The following RUNX2 variants were observed in gnomAD, a reference collection of about 807,000 sequenced individuals.
RUNX2 encodes the protein RUNX family transcription factor 2, also known as runt-related transcription factor 2.
Under a neutral mutation model 51.7 loss-of-function variants are expected in RUNX2, and 10 were observed. That is an observed-to-expected ratio of 0.19 (90% CI 0.12 to 0.33). The LOEUF is 0.33. RUNX2 is among the 10% of genes least tolerant of loss of function. RUNX2 has a pLI of 1.00. For synonymous variants in RUNX2, 276 were observed against 273.6 expected (o/e 1.01, Z -0.09); for missense variants, 562 against 691.3 (o/e 0.81, Z 2.10).
At chr6:45,494,081 C>T (rs1800567809) in intron 6 of RUNX2, among the ~76,000 whole-genome samples, 1 of 151,932 alleles carries the variant, frequency 6.6e-6, no homozygotes, top group African/African-American at 2.4e-5. Context: ...CTAAAGGTAC[C>T]TTAGATATTG....
intron 5 of RUNX2, among the ~76,000 whole-genome samples, chr6:45,468,780 T>C (rs1799714095): frequency 6.6e-6 from 1 of 152,192 alleles, no homozygotes; most frequent in South Asian, 2.1e-4. Flanking sequence ...GACTGTCCCA[T>C]TGCAGGACAA....
chr6:45,523,809 G>A lies in RUNX2; in HGVS notation c.1021+11402G>A, dbSNP rs781733537. ...TAGCCAGGCGTGGTGGCACATGTCT[G>A]TAATCCCAGCTACTCAGGAAGTTGA... On this transcript the variant is annotated intron_variant, in intron 7 of 8. Transcript: ENST00000647337. 9.2e-5 allele frequency among the ~76,000 whole-genome samples: 14 copies of A among 151,930 alleles called. No homozygotes were observed. The South Asian group carries it at 2.1e-3, about 23-fold the overall frequency.
At chr6:45,456,198 C>T (rs1048483430) in intron 5 of RUNX2, among the ~76,000 whole-genome samples, 1 of 152,014 alleles carries the variant, frequency 6.6e-6, no homozygotes, top group African/African-American at 2.4e-5. Context: ...CCTTTTACTA[C>T]TTTTTCCTAA....
At chr6:45,532,905 CTTTT>C (rs10706582) in intron 7 of RUNX2, among the ~76,000 whole-genome samples, 9 of 125,878 alleles carry the variant, frequency 7.1e-5, no homozygotes, top group African/African-American at 2.7e-4. Context: ...AGACCGGGCT[CTTTT>C]TTTTTTTTTT....
At chr6:45,465,633 ATT>A (rs1272260595) in intron 5 of RUNX2, among the ~76,000 whole-genome samples, 2 of 146,760 alleles carry the variant, frequency 1.4e-5, no homozygotes, top group Non-Finnish European at 3.0e-5. Context: ...TTTTATTTTT[ATT>A]TTTTTCTTTT....
intron 3 of RUNX2, among the ~76,000 whole-genome samples, chr6:45,424,141 G>T (rs1798319253): frequency 6.6e-6 from 1 of 152,230 alleles, no homozygotes; most frequent in Non-Finnish European, 1.5e-5. Flanking sequence ...GTGCCTGCCC[G>T]GCCCGTTAGT....
At chr6:45,351,304 A>C (rs1471764951) in intron 2 of RUNX2, among the ~76,000 whole-genome samples, 1 of 152,078 alleles carries the variant, frequency 6.6e-6, no homozygotes, top group Admixed American at 6.5e-5. Context: ...CTAACCCATC[A>C]AGATCACAAC....
intron 2 of RUNX2, among the ~76,000 whole-genome samples, chr6:45,362,391 T>C (rs921462192): frequency 6.6e-6 from 1 of 152,174 alleles, no homozygotes; most frequent in Non-Finnish European, 1.5e-5. Flanking sequence ...CTTAGAACTA[T>C]GAACAGCAGC....
chr6:45,423,389 C>T (rs940169531), intron 3 of RUNX2, among the ~76,000 whole-genome samples: 5 of 152,134 alleles, frequency 3.3e-5, no homozygotes, highest in East Asian at 1.9e-4. Context: ...CTCCCGCGTC[C>T]TTCCGGGACA....
In RUNX2 at chr6:45,545,295, A is replaced by C; in HGVS notation, c.1087+13A>C. 1 of 1,549,590 alleles carries C rather than the reference A, an allele frequency of 6.5e-7. No individual in the cohort carries two copies. Among genetic ancestry groups the C allele is most frequent in the Admixed American group, 2.0e-5 (1 of 50,948 alleles). Reference sequence around the variant, plus strand: ...AAGAGCCAGGCAGGTGAGACTTTTAACAATTGCTGGGCTGGGCAGGGCTGG... The same window carrying C: ...AAGAGCCAGGCAGGTGAGACTTTTACCAATTGCTGGGCTGGGCAGGGCTGG... On this transcript the variant is annotated intron_variant, in intron 8 of 8. Coordinates refer to ENST00000647337, the MANE Select transcript of RUNX2 (RefSeq NM_001024630.4).
chr6:45,377,487 C>A, intron 2 of RUNX2: 1 of 152,392 alleles, frequency 6.6e-6, no homozygotes, highest in Non-Finnish European at 1.5e-5. Context: ...GCCCAGCCCC[C>A]CTCACCCCAC....
intron 7 of RUNX2, chr6:45,513,489 CAAGCTG>C (rs1353123727): frequency 6.6e-6 from 1 of 152,222 alleles, no homozygotes; most frequent in African/African-American, 2.4e-5. Context: ...GCATCACTGA[CAAGCTG>C]AAGCTCCACC....
intron 7 of RUNX2, among the ~76,000 whole-genome samples, chr6:45,518,766 C>G (rs1582198708): frequency 6.6e-6 from 1 of 152,150 alleles, no homozygotes; most frequent in South Asian, 2.1e-4. Flanking sequence ...ATGGCAAACA[C>G]ATGGTTATAT....
At chr6:45,496,962 T>A (rs1164300918) in intron 6 of RUNX2, among the ~76,000 whole-genome samples, 1 of 152,074 alleles carries the variant, frequency 6.6e-6, no homozygotes, top group African/African-American at 2.4e-5. Flanking sequence ...ACTTCAGAGT[T>A]TTGACCTGGG....
At chr6:45,445,949 G>C (rs1798985923) in intron 5 of RUNX2, among the ~76,000 whole-genome samples, 1 of 152,068 alleles carries the variant, frequency 6.6e-6, no homozygotes, top group African/African-American at 2.4e-5. Flanking sequence ...GCTGTCAGGA[G>C]CTGGGAAGAT....
At chr6:45,462,096 A>C (rs943494334) in intron 5 of RUNX2, among the ~76,000 whole-genome samples, 1 of 152,208 alleles carries the variant, frequency 6.6e-6, no homozygotes, top group Admixed American at 6.5e-5. Flanking sequence ...AGAAACCCTG[A>C]TTAAAAATAA....
intron 5 of RUNX2, among the ~76,000 whole-genome samples, chr6:45,447,582 A>G (rs1799039264): frequency 6.6e-6 from 1 of 152,210 alleles, no homozygotes; most frequent in Non-Finnish European, 1.5e-5. Flanking sequence ...GAACTTTAGC[A>G]TTCTTTAAAC....
intron 5 of RUNX2, among the ~76,000 whole-genome samples, chr6:45,485,697 G>GTA (rs10677574): frequency 0.032 from 3,312 of 104,036 alleles, 166 homozygotes; most frequent in African/African-American, 0.085. Context: ...GTGTGTGTGT[G>GTA]TATATATATA....
chr6:45,399,260 A>G (rs768422672), intron 2 of RUNX2, among the ~76,000 whole-genome samples: 5 of 148,238 alleles, frequency 3.4e-5, no homozygotes, highest in African/African-American at 5.0e-5. Flanking sequence ...AGAATTGCCC[A>G]TCTCCCAAAG....
Sources: gnomAD v4.1 joint callset for allele counts (sites outside exome capture counted in the v4.1 genomes callset) on GRCh38, gnomAD v4.1.1 for gene constraint, MANE v1.5 for transcripts, NCBI Gene and HGNC (gene_info 2026-07-23, HGNC 2026-07-21) for gene names.